Variants in CCDC192 observed in about 807,000 individuals in gnomAD.
The protein encoded by CCDC192 is coiled-coil domain-containing protein 192.
intron 5 of CCDC192, among the ~76,000 whole-genome samples, chr5:127,838,934 G>A (rs1000608464): frequency 2.0e-5 from 3 of 152,184 alleles, no homozygotes; most frequent in Admixed American, 6.5e-5. Flanking sequence ...CTCTTCCCGT[G>A]AGATTACATC....
chr5:127,736,343 G>A lies in CCDC192; in HGVS notation c.115-17925G>A, dbSNP rs1222765452. ...GGATTCGTTTTGCCAGTATTTTATT[G>A]AGGATTTTTGCATCAATGTTCATCA... On this transcript the variant is annotated intron_variant, in intron 2 of 6. Coordinates refer to ENST00000514853, the MANE Select transcript of CCDC192 (RefSeq NM_001317938.2). Among the ~76,000 whole-genome samples the A allele has an allele frequency of 1.3e-3, 198 of 147,546 alleles. 1 individual carries two copies. Among genetic ancestry groups the A allele is most frequent in the Non-Finnish European group, 2.0e-3 (131 of 67,146 alleles).
At chr5:127,935,711 G>A (rs1754168723) in intron 6 of CCDC192, 1 of 152,140 alleles carries the variant, frequency 6.6e-6, no homozygotes, top group African/African-American at 2.4e-5. Context: ...CAGCTGCAGT[G>A]ATCACAAAAT....
Position 127,924,062 on chromosome 5 carries a change from T to C in CCDC192, c.536-17120T>C, listed in dbSNP as rs114276643. The stretch of plus-strand genomic sequence containing the variant: ...CCTGTTATTTGGAGCTGGATCACTC[T>C]GACCAATATATTCACAGACAATATT... On this transcript the variant is annotated intron_variant, in intron 6 of 6. Coordinates refer to ENST00000514853, the MANE Select transcript of CCDC192 (RefSeq NM_001317938.2). Among the ~76,000 whole-genome samples the C allele has an allele frequency of 8.9e-3, 1,355 of 152,376 alleles. 14 individuals carry two copies. Among genetic ancestry groups the C allele is most frequent in the Non-Finnish European group, 0.012 (832 of 68,036 alleles).
At chr5:127,779,227 GT>G (rs928953056) in intron 3 of CCDC192, among the ~76,000 whole-genome samples, 14 of 151,878 alleles carry the variant, frequency 9.2e-5, no homozygotes, top group Non-Finnish European at 1.5e-4. Context: ...CATCACATAA[GT>G]TTTTTTCTAT....
At chr5:127,772,612 A>G (rs1374211018) in intron 3 of CCDC192, among the ~76,000 whole-genome samples, 1 of 152,118 alleles carries the variant, frequency 6.6e-6, no homozygotes, top group East Asian at 1.9e-4. Context: ...ATAAAAAGAG[A>G]TGTGCTTCTT....
At chr5:127,805,059 A>G (rs1371256059) in intron 5 of CCDC192, among the ~76,000 whole-genome samples, 2 of 152,118 alleles carry the variant, frequency 1.3e-5, no homozygotes, top group African/African-American at 4.8e-5. Context: ...TGGTGAGTCA[A>G]ATGAGAACGA....
chr5:127,704,381 T>G (rs1395164645), intron 1 of CCDC192, among the ~76,000 whole-genome samples: 3 of 152,228 alleles, frequency 2.0e-5, no homozygotes, highest in Non-Finnish European at 4.4e-5. Context: ...AGAGACAGGC[T>G]TTCACCATGT....
intron 6 of CCDC192, among the ~76,000 whole-genome samples, chr5:127,897,902 T>G (rs1246359974): frequency 6.6e-6 from 1 of 152,232 alleles, no homozygotes; most frequent in Non-Finnish European, 1.5e-5. Flanking sequence ...ATTCTATTCA[T>G]TAATTAAGAC....
chr5:127,781,423 T>C (rs1383890094), intron 3 of CCDC192, among the ~76,000 whole-genome samples: 1 of 152,198 alleles, frequency 6.6e-6, no homozygotes, highest in Non-Finnish European at 1.5e-5. Flanking sequence ...CTTTTGGCAA[T>C]ATGGTCATTT....
At chr5:127,764,382 A>G (rs563754765) in intron 3 of CCDC192, among the ~76,000 whole-genome samples, 20 of 152,356 alleles carry the variant, frequency 1.3e-4, no homozygotes, top group African/African-American at 4.1e-4. Context: ...AATTAAATGT[A>G]GAAGTTGAAG....
At chr5:127,744,111 GA>G (rs373524009) in intron 2 of CCDC192, among the ~76,000 whole-genome samples, 1,868 of 133,906 alleles carry the variant, frequency 0.014, 46 homozygotes, top group African/African-American at 0.044. Context: ...AAAAAAAAAG[GA>G]AAAAAAAAAA....
At position 127,827,312 on chromosome 5, in the gene CCDC192, A is replaced by G. The variant is rs572325580; in HGVS notation, c.411+29150A>G. ...AAGTACCCATTTGGTCTGTCAAGAT[A>G]TTAGATCTTGGTAGCAAACTTCAAA... On this transcript the variant is annotated intron_variant, in intron 5 of 6. Coordinates refer to ENST00000514853, the MANE Select transcript of CCDC192 (RefSeq NM_001317938.2). Among the ~76,000 whole-genome samples the G allele has an allele frequency of 1.2e-4, 18 of 152,330 alleles. 1 individual carries two copies. The South Asian group carries it at 3.5e-3, about 30-fold the overall frequency.
chr5:127,746,547 G>T (rs898632497), intron 2 of CCDC192, among the ~76,000 whole-genome samples: 1 of 151,564 alleles, frequency 6.6e-6, no homozygotes, highest in Non-Finnish European at 1.5e-5. Context: ...CCCCATTTCT[G>T]CATATAATGT....
At chr5:127,931,087 A>T (rs1280374946) in intron 6 of CCDC192, among the ~76,000 whole-genome samples, 1 of 152,090 alleles carries the variant, frequency 6.6e-6, no homozygotes, top group Non-Finnish European at 1.5e-5. Flanking sequence ...GGAGTGGGGG[A>T]TTCACTTCCT....
In CCDC192 at chr5:127,858,153, A is replaced by G. The variant is rs539142021; in HGVS notation, c.412-17385A>G. Among the ~76,000 whole-genome samples the G allele has an allele frequency of 1.4e-4, 21 of 152,324 alleles. No homozygotes were observed. The South Asian group carries it at 3.9e-3, about 29-fold the overall frequency. On this transcript the variant is annotated intron_variant, in intron 5 of 6. Transcript: ENST00000514853. ...GCATGCACTAAATGTTAACCACTAC[A>G]AATATTAATATTATAAATCCGATCC...
intron 1 of CCDC192, among the ~76,000 whole-genome samples, chr5:127,706,732 T>G (rs145178926): frequency 6.6e-6 from 1 of 152,134 alleles, no homozygotes; most frequent in Non-Finnish European, 1.5e-5. Context: ...CATTTTCAGT[T>G]GGGAGATGAC....
At chr5:127,869,635 A>T (rs1174134521) in intron 5 of CCDC192, among the ~76,000 whole-genome samples, 1 of 152,206 alleles carries the variant, frequency 6.6e-6, no homozygotes, top group African/African-American at 2.4e-5. Context: ...GGAAAGCAGA[A>T]CATCTATTGT....
At chr5:127,888,359 T>C (rs1752633808) in intron 6 of CCDC192, among the ~76,000 whole-genome samples, 1 of 151,870 alleles carries the variant, frequency 6.6e-6, no homozygotes, top group Admixed American at 6.6e-5. Context: ...GTGGTTGCAA[T>C]GAGCCGAGAT....
chr5:127,731,343 C>A (rs1004500117), intron 2 of CCDC192, among the ~76,000 whole-genome samples: 2 of 152,114 alleles, frequency 1.3e-5, no homozygotes, highest in African/African-American at 2.4e-5. Context: ...GAACTACAAA[C>A]TACTGCTTGA....
Sources: gnomAD v4.1 joint callset for allele counts (sites outside exome capture counted in the v4.1 genomes callset) on GRCh38, gnomAD v4.1.1 for gene constraint, MANE v1.5 for transcripts, NCBI Gene and HGNC (gene_info 2026-07-23, HGNC 2026-07-21) for gene names.